PRAME: variants seen among roughly 807,000 people sequenced by gnomAD.
PRAME encodes the protein PRAME nuclear receptor transcriptional regulator.
A neutral mutation model predicts 32.1 loss-of-function variants in PRAME; 21 were observed. The ratio of observed to expected loss-of-function variants is 0.65; its 90% CI spans 0.46 to 0.94. PRAME has a LOEUF of 0.94. PRAME is among the 40% of genes least tolerant of loss of function. The pLI is 0.00. For missense variants in PRAME, 651 were observed against 622.3 expected, an observed-to-expected ratio of 1.05 and a Z score of -0.49; for synonymous variants, 274 against 251.5, an observed-to-expected ratio of 1.09 and a Z score of -0.85.
chr22:22,548,192 C>T lies in PRAME; in HGVS notation c.1405G>A (p.Glu469Lys). The change falls in exon 6 of 6, where the codon GAG (glutamate) becomes AAG (lysine). Residue 469 changes from glutamate (E) to lysine (K), a missense_variant. By Grantham distance (56) the Glu-to-Lys change is moderately conservative (BLOSUM62 1). Coordinates refer to ENST00000405655, the MANE Select transcript of PRAME (RefSeq NM_206956.3). ...RLAYLHARLR[E>K]LLCELGRPSM... is the part of the protein sequence containing the mutation. ...GGCCGCCCCAACTCACACAGCAACTCCCTGAGCCTGGCATGCAGATAGGCA... is the reference window on the plus strand; with the variant it reads ...GGCCGCCCCAACTCACACAGCAACTTCCTGAGCCTGGCATGCAGATAGGCA... The T allele has an allele frequency of 6.2e-7, 1 of 1,613,884 alleles. No homozygotes were observed. Among genetic ancestry groups the T allele is most frequent in the South Asian group, 1.1e-5 (1 of 91,064 alleles).
intron 3 of PRAME, chr22:22,552,914 C>A (rs1292962330): frequency 2.1e-6 from 1 of 470,868 alleles, no homozygotes; most frequent in Non-Finnish European, 4.4e-6. Context: ...GAAGCTATTA[C>A]AGGCCTTTCT....
chr22:22,556,905 C>G lies in PRAME; in HGVS notation c.-73G>C. The stretch of plus-strand genomic sequence containing the variant: ...TAGGTCTCAGTCACTTGTTGCCACG[C>G]ACGTCTGAGAGTAATAATCAAAATG... On this transcript the variant is annotated 5_prime_UTR_variant, in exon 3 of 6. Coordinates refer to ENST00000405655, the MANE Select transcript of PRAME (RefSeq NM_206956.3). 1 of 1,551,298 alleles carries G rather than the reference C, an allele frequency of 6.4e-7. No individual in the cohort carries two copies. The highest frequency in any genetic ancestry group is 1.1e-5 in the South Asian group (1 of 89,674).
rs2062371160 is a variant in PRAME at position 22,548,531 on chromosome 22, G to A, written c.1066C>T (p.Leu356=). The A allele has an allele frequency of 6.2e-7, 1 of 1,613,560 alleles. No homozygotes were observed. ...PSVSQLSVLS[L]SGVMLTDVSP... ...ACATCGGTCAGCATGACCCCACTTA[G>A]ACTCAGGACACTTAGCTGACTGACG... Residue 356 remains leucine (L), a synonymous_variant, in exon 6 of 6, where the codon CTA becomes TTA. Transcript: ENST00000405655.
intron 4 of PRAME, among the ~76,000 whole-genome samples, chr22:22,550,538 G>C (rs968514605): frequency 1.3e-5 from 2 of 151,906 alleles, no homozygotes; most frequent in African/African-American, 4.8e-5. Flanking sequence ...CCCACCAGGA[G>C]GAAGCAGGTG....
rs771863151 is a variant in PRAME, at chr22:22,548,063, C to G, written c.*4G>C. The G allele has an allele frequency of 6.2e-7, 1 of 1,603,568 alleles. No homozygotes were observed. The highest frequency in any genetic ancestry group is 8.5e-7 in the Non-Finnish European group (1 of 1,173,660). On this transcript the variant is annotated 3_prime_UTR_variant, in exon 6 of 6. Coordinates refer to ENST00000405655, the MANE Select transcript of PRAME (RefSeq NM_206956.3). ...AGAATGAAGCATTTGATATGTGCAC[C>G]CAGCTAATTAGGCATGAAACAGGGG...
rs78894197 is a variant in PRAME, at chr22:22,548,511, G to A, written c.1086C>T (p.Thr362=). 766 of 1,613,688 alleles carry A rather than the reference G, an allele frequency of 4.7e-4. 3 individuals are homozygous for A. The African/African-American group carries it at 8.5e-3, about 18-fold the overall frequency. The change falls in exon 6 of 6, where the codon ACC becomes ACT. Residue 362 remains threonine, a synonymous_variant. Coordinates refer to ENST00000405655, the MANE Select transcript of PRAME (RefSeq NM_206956.3). ...CTTGGAGGGGCTCGGGACTTACATCGGTCAGCATGACCCCACTTAGACTCA... is the reference window on the plus strand; with the variant it reads ...CTTGGAGGGGCTCGGGACTTACATCAGTCAGCATGACCCCACTTAGACTCA... The part of the protein sequence containing the change: ...SVLSLSGVML[T]DVSPEPLQAL...
intron 3 of PRAME, chr22:22,553,962 A>G (rs13053298): frequency 1.0e-6 from 1 of 985,190 alleles, no homozygotes; most frequent in Non-Finnish European, 1.2e-6. Context: ...CACTTCAAGA[A>G]AACAGCTGTT....
chr22:22,555,049 C>A (rs968271105), intron 3 of PRAME, among the ~76,000 whole-genome samples: 1 of 151,948 alleles, frequency 6.6e-6, no homozygotes, highest in African/African-American at 2.4e-5. Context: ...TCCTTCCTCC[C>A]AGTATAAGGG....
chr22:22,554,292 G>T, intron 3 of PRAME: 1 of 971,982 alleles, frequency 1.0e-6, no homozygotes. Flanking sequence ...CAGCTGGAAT[G>T]TCTTGCGGCC....
rs532014942 is a variant in PRAME at position 22,550,011 on chromosome 22, A to G, written c.668T>C (p.Ile223Thr). The G allele has an allele frequency of 3.7e-6, 6 of 1,613,854 alleles. No homozygotes were observed. The Admixed American group carries it at 8.3e-5, about 22-fold the overall frequency. ...CTGCACCATTTTCAGGATCATCTTG[A>G]TATCCTGCATGGGCATTGCAAAAAT... ...LKIFAMPMQD[I>T]KMILKMVQLD... Residue 223 changes from isoleucine to threonine, a missense_variant, in exon 5 of 6, where the codon ATC becomes ACC. Coordinates refer to ENST00000405655, the MANE Select transcript of PRAME (RefSeq NM_206956.3).
chr22:22,550,370 C>T (rs1236332041), intron 4 of PRAME, 36 bp from the exon 5 acceptor site: 2 of 1,593,586 alleles, frequency 1.3e-6, no homozygotes, highest in Non-Finnish European at 1.7e-6. Flanking sequence ...TGAGATGATG[C>T]TTTAAGATCA....
chr22:22,550,997 C>G lies in PRAME; in HGVS notation c.114G>C (p.Glu38Asp). ...ELAGQSLLKDEALAIAALELL... is the reference protein window; with the variant it reads ...ELAGQSLLKDDALAIAALELL... ...ACTCCAGGGCGGCAATGGCCAGGGC[C>G]TCATCCTTCAGCAGGCTCTGCCCTG... The change falls in exon 4 of 6, where the codon GAG (glutamate) becomes GAC (aspartate). Residue 38 changes from glutamate (E) to aspartate (D), a missense_variant. Transcript: ENST00000405655. 1 of 1,613,322 alleles carries G rather than the reference C, an allele frequency of 6.2e-7. No homozygotes were observed. The highest frequency in any genetic ancestry group is 2.2e-5 in the East Asian group (1 of 44,762).
rs1355287390 is a variant in PRAME at position 22,551,194 on chromosome 22, T to TGCTA, written c.22-109_22-106dup. On this transcript the variant is annotated intron_variant, in intron 3 of 5. Transcript: ENST00000405655. ...GACCAACTTAGGGCCAAAGTCACTG[T>TGCTA]GCTAGCAACAGCAGGGGAGTTCTCA... is the stretch of plus-strand genomic sequence containing the variant. 2.8e-6 allele frequency: 3 copies of TGCTA among 1,057,700 alleles called. No homozygotes were observed. The African/African-American group carries it at 4.8e-5, about 17-fold the overall frequency. The allele number at this position is 1,057,700 out of a possible 1,614,324, so 65.5% of individuals were successfully genotyped here. A position where few individuals can be genotyped will look rare whatever the true frequency, so the allele number is the denominator to read the frequency against.
chr22:22,549,237 T>A (rs754896950), intron 5 of PRAME, among the ~76,000 whole-genome samples: 2 of 151,964 alleles, frequency 1.3e-5, no homozygotes, highest in Non-Finnish European at 2.9e-5. Context: ...TCCAGAATCC[T>A]GCATTTCCCA....
rs2062469995 is a variant in PRAME, at chr22:22,549,967, A to G, written c.712T>C (p.Leu238=). The change falls in exon 5 of 6, where the codon TTG becomes CTG. Residue 238 remains leucine (L), a synonymous_variant. Transcript: ENST00000405655. The part of the protein sequence containing the change: ...KMVQLDSIED[L]EVTCTWKLPT... ...AGCTTCCAGGTACAAGTCACTTCCA[A>G]ATCTTCAATAGAGTCCAGCTGCACC... is the stretch of plus-strand genomic sequence containing the variant. 1 of 1,613,744 alleles carries G rather than the reference A, an allele frequency of 6.2e-7. No individual in the cohort carries two copies. Among genetic ancestry groups the G allele is most frequent in the African/African-American group, 1.3e-5 (1 of 74,860 alleles).
chr22:22,556,941 AAG>A lies in PRAME; in HGVS notation c.-77-34_-77-33del, dbSNP rs1312196885. 2.9e-6 allele frequency: 4 copies of A among 1,395,446 alleles called. No homozygotes were observed. In the African/African-American group the frequency reaches 4.3e-5, roughly 15 times the overall value. 86.4% of individuals were successfully genotyped at this position (1,395,446 alleles called of 1,614,324 possible). On this transcript the variant is annotated intron_variant, in intron 2 of 5. Transcript: ENST00000405655. ...GTAATAATCAAAATGCTCCAAAAAG[AAG>A]AATACATGTATAATATTTACGAAGC...
rs2062864170 is a variant in PRAME at position 22,555,690 on chromosome 22, A to G, written c.21+1122T>C. On this transcript the variant is annotated intron_variant, in intron 3 of 5. Transcript: ENST00000405655. ...CACCCGAGCACGGTCCCACAGTCCA[A>G]CGCACTGTGCCGTCCTTGAGCCTTT... 6 of 344,298 alleles carry G rather than the reference A, an allele frequency of 1.7e-5. No homozygotes were observed. In the Admixed American group the frequency reaches 2.0e-4, roughly 12 times the overall value. 21.3% of individuals were successfully genotyped at this position (344,298 alleles called of 1,614,324 possible).
intron 3 of PRAME, chr22:22,552,918 C>T (rs557008664): frequency 2.1e-6 from 1 of 470,844 alleles, no homozygotes; most frequent in African/African-American, 2.0e-5. Context: ...CTATTACAGG[C>T]CTTTCTGGGC....
Position 22,548,630 on chromosome 22 carries a change from G to A in PRAME, c.967C>T (p.Pro323Ser). 3.8e-6 allele frequency: 6 copies of A among 1,598,164 alleles called. No individual in the cohort carries two copies. The highest frequency in any genetic ancestry group is 5.1e-6 in the Non-Finnish European group (6 of 1,176,586). Reference sequence around the variant, plus strand: ...TTAGTTATTGAGAGGGTTTCCAAGGGGTTCATCACGTGCCTGCAAATAGAC... The same window carrying A: ...TTAGTTATTGAGAGGGTTTCCAAGGAGTTCATCACGTGCCTGCAAATAGAC... ...LDQLLRHVMN[P>S]LETLSITNCR... The change falls in exon 6 of 6, where the codon CCC (proline) becomes TCC (serine). Residue 323 changes from proline (P) to serine (S), a missense_variant. Physicochemically the swap from Pro to Ser is moderately conservative, Grantham distance 74. Coordinates refer to ENST00000405655, the MANE Select transcript of PRAME (RefSeq NM_206956.3).
Sources: allele counts gnomAD v4.1 joint callset (sites outside exome capture counted in the v4.1 genomes callset), GRCh38; gene constraint gnomAD v4.1.1; transcripts MANE v1.5; gene names NCBI Gene and HGNC (gene_info 2026-07-23, HGNC 2026-07-21).